Variants in EXT1 observed in about 807,000 individuals in gnomAD.
The protein encoded by EXT1 is exostosin-1.
EXT1 carries 20 observed loss-of-function variants against 82.5 expected under a neutral mutation model. The ratio of observed to expected loss-of-function variants is 0.24; its 90% confidence interval spans 0.17 to 0.35. The LOEUF (loss-of-function observed/expected upper bound fraction) is 0.35. Ranked by LOEUF, EXT1 falls within the 10% of genes least tolerant of loss-of-function variation. The pLI, the probability that EXT1 is intolerant of heterozygous loss-of-function variation, is 1.00. For missense variants in EXT1, 757 were observed against 936.5 expected (o/e 0.81, Z 2.50); for synonymous variants, 348 against 350.8 (o/e 0.99, Z 0.09).
chr8:118,054,824 G>C (rs544807083), intron 1 of EXT1, among the ~76,000 whole-genome samples: 1 of 152,294 alleles, frequency 6.6e-6, no homozygotes, highest in South Asian at 2.1e-4. Flanking sequence ...TTGACTGACT[G>C]ATCAAACAAT....
chr8:118,046,060 T>A (rs190301113), intron 1 of EXT1, among the ~76,000 whole-genome samples: 13 of 152,162 alleles, frequency 8.5e-5, no homozygotes, highest in African/African-American at 2.6e-4. Context: ...CCTCTTAAAG[T>A]GCTGGGATTG....
chr8:118,000,177 G>C (rs1277991615), intron 1 of EXT1, among the ~76,000 whole-genome samples: 1 of 152,096 alleles, frequency 6.6e-6, no homozygotes, highest in Non-Finnish European at 1.5e-5. Flanking sequence ...TCAAAGAAAA[G>C]AAAGTAATAA....
intron 1 of EXT1, among the ~76,000 whole-genome samples, chr8:117,970,523 T>G (rs1814917593): frequency 6.6e-6 from 1 of 152,160 alleles, no homozygotes; most frequent in Non-Finnish European, 1.5e-5. Context: ...GTCAGGCTGG[T>G]CTCAAACTCC....
At chr8:117,979,333 G>A (rs531901683) in intron 1 of EXT1, among the ~76,000 whole-genome samples, 6 of 150,388 alleles carry the variant, frequency 4.0e-5, no homozygotes, top group African/African-American at 1.2e-4. Flanking sequence ...CAGCCTCGGC[G>A]ACAGAGCAAG....
chr8:117,926,377 G>A (rs1813953155), intron 1 of EXT1, among the ~76,000 whole-genome samples: 1 of 152,160 alleles, frequency 6.6e-6, no homozygotes, highest in Non-Finnish European at 1.5e-5. Context: ...TTTTAAGACA[G>A]ACCAGGTAAA....
intron 1 of EXT1, among the ~76,000 whole-genome samples, chr8:117,857,601 G>A (rs1437325096): frequency 6.6e-6 from 1 of 151,802 alleles, no homozygotes; most frequent in Non-Finnish European, 1.5e-5. Flanking sequence ...TCAGGAAGCT[G>A]AGGCAGGAGG....
At position 117,887,740 on chromosome 8, in the gene EXT1, T is replaced by C. The variant is rs1157500974; in HGVS notation, c.963-50539A>G. The stretch of plus-strand genomic sequence containing the variant: ...GATCAAATATCCATAATTTAAAGGA[T>C]TATTATCAAGAAACTGATAAAATAC... On this transcript the variant is annotated intron_variant, in intron 1 of 10. Transcript: ENST00000378204. 2.6e-5 allele frequency among the ~76,000 whole-genome samples: 4 copies of C among 152,148 alleles called. No homozygotes were observed. The East Asian group carries it at 7.7e-4, about 29-fold the overall frequency.
intron 10 of EXT1, among the ~76,000 whole-genome samples, chr8:117,801,845 T>C (rs4242575): frequency 0.47 from 71,713 of 152,066 alleles, 17,643 homozygotes; most frequent in Admixed American, 0.62. Context: ...TCCCAAAGGG[T>C]GCTGTACCCA....
intron 1 of EXT1, among the ~76,000 whole-genome samples, chr8:118,000,604 G>C (rs867203718): frequency 6.6e-6 from 1 of 152,182 alleles, no homozygotes. Flanking sequence ...CAATAAATAC[G>C]CCCTGACCTC....
In EXT1 at chr8:118,111,729, G is replaced by GGCGGCGCGTCCTCCCCGCGGGCAGT. The variant is rs1443549678; in HGVS notation, c.-708_-684dup. 2.0e-5 allele frequency: 3 copies of GGCGGCGCGTCCTCCCCGCGGGCAGT among 148,100 alleles called. No individual in the cohort carries two copies. The highest frequency in any genetic ancestry group is 7.3e-5 in the African/African-American group (3 of 40,938). The allele number at this position is 148,100 out of a possible 1,614,324, so 9.2% of individuals were successfully genotyped here. On this transcript the variant is annotated 5_prime_UTR_variant, in exon 1 of 11. Coordinates refer to ENST00000378204, the MANE Select transcript of EXT1 (RefSeq NM_000127.3). The stretch of plus-strand genomic sequence containing the variant: ...GGCGGCGGCGGCGCTGGGTGGCGGC[G>GGCGGCGCGTCCTCCCCGCGGGCAGT]GCGGCGCGTCCTCCCCGCGGGCAGT...
At chr8:117,997,484 A>G (rs1179324869) in intron 1 of EXT1, among the ~76,000 whole-genome samples, 1 of 151,934 alleles carries the variant, frequency 6.6e-6, no homozygotes, top group Non-Finnish European at 1.5e-5. Flanking sequence ...AAACCCCCAA[A>G]ATCATGAATA....
At chr8:118,038,315 T>C (rs771276984) in intron 1 of EXT1, among the ~76,000 whole-genome samples, 7 of 152,196 alleles carry the variant, frequency 4.6e-5, no homozygotes, top group Non-Finnish European at 8.8e-5. Flanking sequence ...GGAGGTAAAT[T>C]GGCTCCCTTA....
At chr8:117,805,226 A>T (rs1023284101) in intron 9 of EXT1, among the ~76,000 whole-genome samples, 1 of 152,220 alleles carries the variant, frequency 6.6e-6, no homozygotes, top group African/African-American at 2.4e-5. Context: ...CTCTAACATC[A>T]GACAGGTGAG....
chr8:117,943,823 G>A (rs1033245196), intron 1 of EXT1, among the ~76,000 whole-genome samples: 1 of 152,182 alleles, frequency 6.6e-6, no homozygotes, highest in Non-Finnish European at 1.5e-5. Context: ...TCCTTTAACA[G>A]TGTGCTGGTT....
intron 1 of EXT1, among the ~76,000 whole-genome samples, chr8:118,096,668 AAGGAAGGGAGGG>A (rs764734639): frequency 0.041 from 3,779 of 92,976 alleles, 144 homozygotes; most frequent in African/African-American, 0.12. Context: ...GGAAGGAAGG[AAGGAAGGGAGGG>A]AGGGAGGGAG....
At chr8:117,883,150 G>T (rs948372755) in intron 1 of EXT1, among the ~76,000 whole-genome samples, 4 of 152,168 alleles carry the variant, frequency 2.6e-5, no homozygotes, top group Non-Finnish European at 5.9e-5. Flanking sequence ...TCAGTGAGGG[G>T]TTCTAACCCA....
At chr8:117,826,781 T>TA (rs968720186) in intron 4 of EXT1, among the ~76,000 whole-genome samples, 5 of 152,186 alleles carry the variant, frequency 3.3e-5, no homozygotes, top group South Asian at 2.1e-4. Flanking sequence ...TTTTAGTGTT[T>TA]AAAAAAACCC....
intron 1 of EXT1, among the ~76,000 whole-genome samples, chr8:118,096,161 A>AG (rs35044414): frequency 3.3e-5 from 5 of 152,240 alleles, no homozygotes; most frequent in African/African-American, 9.6e-5. Flanking sequence ...CTACAATTAA[A>AG]GGGGGGGAAG....
intron 1 of EXT1, among the ~76,000 whole-genome samples, chr8:118,042,833 C>T (rs1464715478): frequency 6.6e-6 from 1 of 152,244 alleles, no homozygotes; most frequent in Non-Finnish European, 1.5e-5. Context: ...ACAGCCTCAT[C>T]TGTTGAATCA....
Sources: allele counts gnomAD v4.1 joint callset (sites outside exome capture counted in the v4.1 genomes callset), GRCh38; gene constraint gnomAD v4.1.1; transcripts MANE v1.5; gene names NCBI Gene and HGNC (gene_info 2026-07-23, HGNC 2026-07-21).